TJP1: variants seen among roughly 807,000 people sequenced by gnomAD.
TJP1 encodes tight junction protein ZO-1.
Under a neutral mutation model 194.2 loss-of-function variants are expected in TJP1, and 43 were observed. That is an observed-to-expected ratio of 0.22 (90% CI 0.17 to 0.29). The LOEUF is 0.29. Among genes scored for constraint, TJP1 ranks in the 10% least tolerant of loss-of-function variants. TJP1 has a pLI of 1.00. For synonymous variants in TJP1, 801 were observed against 779.0 expected (o/e 1.03, Z -0.47); for missense variants, 1,971 against 2,185.7 (o/e 0.90, Z 1.96).
chr15:29,705,175 T>C (rs1470509648), intron 26 of TJP1, among the ~76,000 whole-genome samples: 1 of 152,206 alleles, frequency 6.6e-6, no homozygotes, highest in African/African-American at 2.4e-5. Flanking sequence ...CAGCAAAGCC[T>C]TTCTGAGTGG....
chr15:29,949,245 TCA>T (rs2055423053), intron 2 of TJP1, among the ~76,000 whole-genome samples: 1 of 33,414 alleles, frequency 3.0e-5, no homozygotes, highest in Non-Finnish European at 5.6e-5. Flanking sequence ...ACCTCCACCT[TCA>T]CCACCACCTC....
intron 2 of TJP1, among the ~76,000 whole-genome samples, chr15:29,876,129 G>A (rs1043994156): frequency 5.3e-5 from 8 of 152,198 alleles, no homozygotes; most frequent in Non-Finnish European, 8.8e-5. Context: ...CTGTTGAGAA[G>A]CATTGCTCTA....
intron 19 of TJP1, 137 bp from the exon 20 acceptor site, chr15:29,720,153 T>C (rs1192766227): frequency 7.7e-7 from 1 of 1,292,180 alleles, no homozygotes; most frequent in Non-Finnish European, 1.0e-6. Flanking sequence ...CTAAACTTTT[T>C]GGGAAAAAAA....
intron 2 of TJP1, among the ~76,000 whole-genome samples, chr15:29,916,573 G>A (rs906653942): frequency 1.3e-5 from 2 of 152,110 alleles, no homozygotes; most frequent in Non-Finnish European, 2.9e-5. Context: ...AGAGCTTCAT[G>A]AATTTTAAAG....
chr15:29,837,792 A>G (rs755244436), intron 2 of TJP1, among the ~76,000 whole-genome samples: 6 of 152,134 alleles, frequency 3.9e-5, no homozygotes, highest in Non-Finnish European at 8.8e-5. Flanking sequence ...TCCTTTTCCA[A>G]TAACACTTCT....
At chr15:29,829,214 G>A (rs573509169) in intron 2 of TJP1, among the ~76,000 whole-genome samples, 16 of 152,264 alleles carry the variant, frequency 1.1e-4, no homozygotes, top group African/African-American at 3.9e-4. Flanking sequence ...GACATTTGTT[G>A]AAAACTAAAC....
intron 2 of TJP1, among the ~76,000 whole-genome samples, chr15:29,913,550 A>C (rs1331666729): frequency 1.3e-5 from 2 of 152,218 alleles, no homozygotes; most frequent in African/African-American, 4.8e-5. Flanking sequence ...TAAGAACTTT[A>C]AGAACTGTAT....
chr15:29,931,901 C>G (rs1259095100), intron 2 of TJP1, among the ~76,000 whole-genome samples: 1 of 152,184 alleles, frequency 6.6e-6, no homozygotes, highest in Non-Finnish European at 1.5e-5. Flanking sequence ...ATTATTCATG[C>G]CTACCCTTTT....
At chr15:29,950,062 C>T (rs796899792) in intron 2 of TJP1, among the ~76,000 whole-genome samples, 1 of 33,358 alleles carries the variant, frequency 3.0e-5, no homozygotes, top group Non-Finnish European at 5.0e-5. Context: ...CCACCTCCAC[C>T]ACCACCACCT....
intron 2 of TJP1, among the ~76,000 whole-genome samples, chr15:29,892,479 T>C (rs2053344491): frequency 6.6e-6 from 1 of 152,228 alleles, no homozygotes; most frequent in African/African-American, 2.4e-5. Flanking sequence ...TGGAGGATGA[T>C]GCCATCTAGG....
intron 8 of TJP1, among the ~76,000 whole-genome samples, chr15:29,755,557 C>T (rs1193391102): frequency 6.6e-6 from 1 of 152,146 alleles, no homozygotes; most frequent in Non-Finnish European, 1.5e-5. Context: ...CTTTAGAATT[C>T]AGTAGAGGCA....
intron 2 of TJP1, among the ~76,000 whole-genome samples, chr15:29,946,690 C>A (rs927313608): frequency 6.6e-6 from 1 of 152,244 alleles, no homozygotes; most frequent in African/African-American, 2.4e-5. Context: ...CATGGCCTAA[C>A]TGCCAGCAAG....
At chr15:29,751,239 A>G (rs1471529) in intron 8 of TJP1, among the ~76,000 whole-genome samples, 143,521 of 152,268 alleles carry the variant, frequency 0.94, 67,842 homozygotes, top group East Asian at 1. Context: ...TGAGAAGGCA[A>G]GAAAATAATT....
At chr15:29,755,220 G>A (rs2045568732) in intron 8 of TJP1, among the ~76,000 whole-genome samples, 1 of 152,166 alleles carries the variant, frequency 6.6e-6, no homozygotes, top group Admixed American at 6.5e-5. Flanking sequence ...TATAGCCTGG[G>A]TGTGTGGCAG....
At chr15:29,708,369 T>G (rs2042034017) in intron 25 of TJP1, among the ~76,000 whole-genome samples, 190 bp downstream of exon 25, 1 of 152,136 alleles carries the variant, frequency 6.6e-6, no homozygotes, top group African/African-American at 2.4e-5. Flanking sequence ...GACTGTTAGC[T>G]TTATTATTTT....
chr15:29,706,887 T>C (rs1455997634), intron 25 of TJP1, among the ~76,000 whole-genome samples: 1 of 152,102 alleles, frequency 6.6e-6, no homozygotes, highest in Non-Finnish European at 1.5e-5. Flanking sequence ...ACTCCTGACT[T>C]CCAGTGATCC....
At chr15:29,745,305 A>AAC (rs2044693234) in intron 8 of TJP1, among the ~76,000 whole-genome samples, 2 of 151,150 alleles carry the variant, frequency 1.3e-5, no homozygotes, top group Admixed American at 1.3e-4. Context: ...AAATATTGAA[A>AAC]AAAAAAAAAA....
At chr15:29,725,329 C>T (rs1443909986) in intron 18 of TJP1, among the ~76,000 whole-genome samples, 2 of 152,138 alleles carry the variant, frequency 1.3e-5, no homozygotes, top group African/African-American at 4.8e-5. Context: ...TCAGTGTTAA[C>T]AGCTCTCCTT....
At chr15:29,767,779 C>T (rs1021270407) in intron 4 of TJP1, among the ~76,000 whole-genome samples, 3 of 152,066 alleles carry the variant, frequency 2.0e-5, no homozygotes, top group African/African-American at 7.2e-5. Context: ...ATTTCCCCTC[C>T]TAAATTTTTT....
Sources: gnomAD v4.1 joint callset for allele counts (sites outside exome capture counted in the v4.1 genomes callset) on GRCh38, gnomAD v4.1.1 for gene constraint, MANE v1.5 for transcripts, NCBI Gene and HGNC (gene_info 2026-07-23, HGNC 2026-07-21) for gene names.